The following SAMMSON variants were observed in gnomAD, a reference collection of about 807,000 sequenced individuals.
SAMMSON encodes long intergenic non-protein coding RNA 1212.
At chr3:70,393,287 C>A (rs935768389), downstream of SAMMSON, among the ~76,000 whole-genome samples, 1 of 152,152 alleles carries the variant, frequency 6.6e-6, no homozygotes, top group East Asian at 1.9e-4. Flanking sequence ...TGGGCAAGTC[C>A]GTAAAACTCT....
At chr3:70,404,245 CT>C (rs1220145643) in intron 2 of SAMMSON, among the ~76,000 whole-genome samples, 4 of 151,820 alleles carry the variant, frequency 2.6e-5, no homozygotes, top group African/African-American at 7.3e-5. Flanking sequence ...TGCTCATATT[CT>C]TTTTGGGGGA....
intron 4 of SAMMSON, among the ~76,000 whole-genome samples, chr3:70,207,645 C>T (rs1362679013): frequency 2.0e-5 from 3 of 151,786 alleles, no homozygotes; most frequent in African/African-American, 7.3e-5. Context: ...CCCCAAATAA[C>T]AATGTAACAA....
chr3:70,234,458 G>A (rs1701589293), intron 4 of SAMMSON, among the ~76,000 whole-genome samples: 2 of 151,962 alleles, frequency 1.3e-5, no homozygotes, highest in Non-Finnish European at 1.5e-5. Flanking sequence ...AGACCAGCCT[G>A]GGCAACATAA....
intron 6 of SAMMSON, among the ~76,000 whole-genome samples, chr3:70,288,689 AG>A (rs1169650084): frequency 6.6e-6 from 1 of 151,836 alleles, no homozygotes; most frequent in Non-Finnish European, 1.5e-5. Context: ...AATGTGTGGA[AG>A]TCTAAGTCTC....
chr3:70,194,104 A>T (rs557428642), intron 4 of SAMMSON, among the ~76,000 whole-genome samples: 1 of 152,336 alleles, frequency 6.6e-6, no homozygotes, highest in South Asian at 2.1e-4. Flanking sequence ...GCTTTTACAG[A>T]AGCAATGGTT....
Position 70,399,075 on chromosome 3 carries a change from T to G in SAMMSON, n.233+40751T>G, listed in dbSNP as rs531350608. ...ATCTTGCGTTTTTAGTCAGAGAAATTTACAATGGAAATGGAGACAGAAATG... is the reference window on the plus strand; with the variant it reads ...ATCTTGCGTTTTTAGTCAGAGAAATGTACAATGGAAATGGAGACAGAAATG... On this transcript the variant is annotated intron_variant and non_coding_transcript_variant, in intron 2 of 3. Transcript: ENST00000641053. Among the ~76,000 whole-genome samples the G allele has an allele frequency of 2.0e-5, 3 of 152,248 alleles. No homozygotes were observed. In the East Asian group the frequency reaches 5.8e-4, roughly 29 times the overall value.
In SAMMSON at chr3:70,383,099, T is replaced by C. The variant is rs538462802; in HGVS notation, n.914-6475T>C. Reference sequence around the variant, plus strand: ...CTTCATAACTCCTTCCACTAGGAGATTGGACATGGGGAATCCCAAAGTATA... The same window carrying C: ...CTTCATAACTCCTTCCACTAGGAGACTGGACATGGGGAATCCCAAAGTATA... On this transcript the variant is annotated intron_variant and non_coding_transcript_variant, in intron 9 of 9. Transcript: ENST00000642114. Among the ~76,000 whole-genome samples the C allele has an allele frequency of 3.3e-5, 5 of 152,268 alleles. No homozygotes were observed. In the South Asian group the frequency reaches 6.2e-4, roughly 19 times the overall value.
At chr3:70,283,723 G>T (rs1293584458) in intron 6 of SAMMSON, 1 of 149,888 alleles carries the variant, frequency 6.7e-6, no homozygotes, top group Non-Finnish European at 1.5e-5. Flanking sequence ...TTAGAATCTT[G>T]ATTTCATACA....
intron 4 of SAMMSON, among the ~76,000 whole-genome samples, chr3:70,234,247 C>T (rs1701587934): frequency 6.6e-6 from 1 of 152,112 alleles, no homozygotes; most frequent in Non-Finnish European, 1.5e-5. Context: ...CTAAAAAATA[C>T]ATTTGTTTAT....
chr3:70,393,114 T>C (rs1269354074), downstream of SAMMSON, among the ~76,000 whole-genome samples: 3 of 152,232 alleles, frequency 2.0e-5, no homozygotes, highest in Non-Finnish European at 1.5e-5. Flanking sequence ...AATATGATCA[T>C]GATGCTTTCT....
intron 4 of SAMMSON, among the ~76,000 whole-genome samples, chr3:70,214,238 C>T (rs962484529): frequency 1.3e-5 from 2 of 152,132 alleles, no homozygotes; most frequent in African/African-American, 4.8e-5. Flanking sequence ...TTTCAAATGG[C>T]AGCTCTGGTT....
intron 4 of SAMMSON, chr3:70,197,002 C>A (rs1370440510): frequency 5.0e-6 from 2 of 398,460 alleles, no homozygotes; most frequent in African/African-American, 4.1e-5. Flanking sequence ...TTCAAAAAGG[C>A]TGCAGTCCAT....
chr3:70,277,392 T>G (rs561791317), intron 6 of SAMMSON, among the ~76,000 whole-genome samples: 1 of 152,206 alleles, frequency 6.6e-6, no homozygotes, highest in Non-Finnish European at 1.5e-5. Context: ...ACACAGGCAC[T>G]CTAATGATTA....
chr3:70,285,003 C>A (rs375349828), intron 6 of SAMMSON, among the ~76,000 whole-genome samples: 18 of 151,844 alleles, frequency 1.2e-4, no homozygotes, highest in East Asian at 5.8e-4. Flanking sequence ...CACTGCAGTT[C>A]CAAATTACCT....
chr3:70,109,510 T>C (rs1272922518), intron 4 of SAMMSON, among the ~76,000 whole-genome samples: 2 of 152,210 alleles, frequency 1.3e-5, no homozygotes, highest in African/African-American at 4.8e-5. Context: ...AGAGAGAACA[T>C]GCAGGGGAAG....
intron 6 of SAMMSON, among the ~76,000 whole-genome samples, chr3:70,252,377 T>C (rs1231548801): frequency 6.6e-6 from 1 of 152,204 alleles, no homozygotes; most frequent in African/African-American, 2.4e-5. Flanking sequence ...TGTATGACTT[T>C]TTTAGACAAT....
chr3:70,259,353 A>T (rs1287685511), intron 6 of SAMMSON, among the ~76,000 whole-genome samples: 3 of 152,138 alleles, frequency 2.0e-5, no homozygotes, highest in South Asian at 2.1e-4. Flanking sequence ...ATCTAAAGTG[A>T]CCTTGATAGA....
At chr3:70,265,298 A>G (rs1701906227) in intron 6 of SAMMSON, among the ~76,000 whole-genome samples, 1 of 152,218 alleles carries the variant, frequency 6.6e-6, no homozygotes, top group African/African-American at 2.4e-5. Flanking sequence ...GGGAGAAAAA[A>G]CTAACCTAGT....
intron 7 of SAMMSON, among the ~76,000 whole-genome samples, chr3:70,347,229 G>A (rs745602397): frequency 5.3e-5 from 8 of 152,182 alleles, no homozygotes; most frequent in Non-Finnish European, 1.2e-4. Flanking sequence ...TCCTTAGTGT[G>A]GAGCAAATAT....
Sources: gnomAD v4.1 joint callset for allele counts (sites outside exome capture counted in the v4.1 genomes callset) on GRCh38, gnomAD v4.1.1 for gene constraint, MANE v1.5 for transcripts, NCBI Gene and HGNC (gene_info 2026-07-23, HGNC 2026-07-21) for gene names.